The following RIMBP2 variants were observed in gnomAD, a reference collection of about 807,000 sequenced individuals.
RIMBP2 encodes the protein RIMS binding protein 2.
RIMBP2 carries 48 observed loss-of-function variants against 118.6 expected under a neutral mutation model. The ratio of observed to expected loss-of-function variants is 0.40; its 90% confidence interval spans 0.32 to 0.51. The LOEUF (loss-of-function observed/expected upper bound fraction) is 0.51, where lower values mean the gene tolerates loss of function less well. RIMBP2 is among the 20% of genes least tolerant of loss of function. The pLI is 0.41. For missense variants in RIMBP2, 1,551 were observed against 1,768.3 expected (o/e 0.88, Z 2.20); for synonymous variants, 762 against 742.9 (o/e 1.03, Z -0.42).
intron 2 of RIMBP2, among the ~76,000 whole-genome samples, chr12:130,533,327 G>C (rs138386707): frequency 1.9e-4 from 29 of 152,310 alleles, no homozygotes; most frequent in African/African-American, 6.7e-4. Context: ...TCACTAATCA[G>C]AGAAATGCAA....
At chr12:130,590,434 C>T (rs745602211) in intron 2 of RIMBP2, among the ~76,000 whole-genome samples, 12 of 152,164 alleles carry the variant, frequency 7.9e-5, no homozygotes, top group South Asian at 2.1e-4. Context: ...CCCTCAGCTC[C>T]GCCCATCAGA....
chr12:130,438,838 C>T (rs77300036), intron 11 of RIMBP2, among the ~76,000 whole-genome samples: 6,984 of 152,202 alleles, frequency 0.046, 572 homozygotes, highest in African/African-American at 0.16. Flanking sequence ...GGCAGAGCTA[C>T]CTCTGTCCAG....
intron 2 of RIMBP2, among the ~76,000 whole-genome samples, chr12:130,520,924 C>T (rs987908456): frequency 2.0e-5 from 3 of 152,194 alleles, no homozygotes; most frequent in Non-Finnish European, 4.4e-5. Flanking sequence ...CCACGTTGTC[C>T]ATGCTTACCC....
intron 8 of RIMBP2, 39 bp downstream of exon 8, chr12:130,451,156 C>A: frequency 6.2e-7 from 1 of 1,603,916 alleles, no homozygotes; most frequent in East Asian, 2.2e-5. Flanking sequence ...ACACACACAG[C>A]ACAGGCAGCC....
chr12:130,483,616 T>C (rs999075788), intron 4 of RIMBP2, among the ~76,000 whole-genome samples: 2 of 145,306 alleles, frequency 1.4e-5, no homozygotes, highest in Non-Finnish European at 1.5e-5. Flanking sequence ...GAAGGCGGGA[T>C]ACACAGTGCC....
intron 1 of RIMBP2, among the ~76,000 whole-genome samples, chr12:130,672,359 A>C (rs146863134): frequency 6.6e-6 from 1 of 152,336 alleles, no homozygotes; most frequent in African/African-American, 2.4e-5. Context: ...TTCCATCAGC[A>C]AGTTTGAGGG....
intron 1 of RIMBP2, among the ~76,000 whole-genome samples, chr12:130,691,232 T>G (rs978088529): frequency 6.6e-6 from 1 of 152,152 alleles, no homozygotes; most frequent in African/African-American, 2.4e-5. Context: ...TCCTAACACC[T>G]GCAACGCTGA....
rs115949851 is a variant in RIMBP2, at chr12:130,665,219, G to A, written c.-351-36763C>T. On this transcript the variant is annotated intron_variant, in intron 1 of 22. Coordinates refer to ENST00000690449, the MANE Select transcript of RIMBP2 (RefSeq NM_001393629.1). ...CACGTGTTTCCTGATGCCATGCTCC[G>A]AGATGGAGGCAAATTCCTGAAAAAA... 3.6e-3 allele frequency among the ~76,000 whole-genome samples: 549 copies of A among 151,666 alleles called. 23 individuals carry two copies. Among genetic ancestry groups the A allele is most frequent in the African/African-American group, 0.013 (516 of 41,004 alleles).
chr12:130,428,517 A>C, intron 14 of RIMBP2, 180 bp from the exon 15 acceptor site: 2 of 541,918 alleles, frequency 3.7e-6, no homozygotes, highest in Non-Finnish European at 6.3e-6. Context: ...GGACACACCC[A>C]CTCTCTCTGT....
chr12:130,399,222 A>G, intron 22 of RIMBP2: 1 of 958,544 alleles, frequency 1.0e-6, no homozygotes, highest in Non-Finnish European at 1.4e-6. Flanking sequence ...AATATAGAAA[A>G]ACTTGCAGTG....
At chr12:130,646,628 G>T (rs966370250) in intron 1 of RIMBP2, among the ~76,000 whole-genome samples, 4 of 152,196 alleles carry the variant, frequency 2.6e-5, no homozygotes, top group Non-Finnish European at 5.9e-5. Context: ...AATCTTAGAG[G>T]TATAGGGAGC....
At chr12:130,486,642 A>T (rs1161802480) in intron 4 of RIMBP2, among the ~76,000 whole-genome samples, 1 of 150,228 alleles carries the variant, frequency 6.7e-6, no homozygotes, top group African/African-American at 2.5e-5. Flanking sequence ...GCTCCTCCAG[A>T]TGCAAAGCTG....
intron 1 of RIMBP2, among the ~76,000 whole-genome samples, chr12:130,664,368 C>T (rs1235317697): frequency 1.3e-5 from 2 of 150,324 alleles, no homozygotes; most frequent in African/African-American, 2.5e-5. Context: ...CACATATGCA[C>T]GTGCATGCAC....
intron 6 of RIMBP2, among the ~76,000 whole-genome samples, chr12:130,464,253 C>A (rs566051833): frequency 6.6e-6 from 1 of 152,360 alleles, no homozygotes; most frequent in Admixed American, 6.5e-5. Flanking sequence ...TTCTTTCTTG[C>A]GCAAGATCCA....
At chr12:130,649,106 A>T (rs1566426054) in intron 1 of RIMBP2, among the ~76,000 whole-genome samples, 1 of 145,702 alleles carries the variant, frequency 6.9e-6, no homozygotes, top group Non-Finnish European at 1.6e-5. Flanking sequence ...GGCGGCCGAT[A>T]GGCTCAGTCG....
rs1013595044 is a variant in RIMBP2, at chr12:130,622,437, T to C, written c.-217+5885A>G. ...ATTCACTAGTTATTTTGTACATAAATTCACTATTCACTAATTGTACGTATA... is the reference window on the plus strand; with the variant it reads ...ATTCACTAGTTATTTTGTACATAAACTCACTATTCACTAATTGTACGTATA... On this transcript the variant is annotated intron_variant, in intron 2 of 22. Transcript: ENST00000690449. The surrounding 1 kb of genome is among the most constrained non-coding windows in gnomAD (Gnocchi z 8.5). Among the ~76,000 whole-genome samples, 3 of 152,162 alleles carry C rather than the reference T, an allele frequency of 2.0e-5. No homozygotes were observed. The highest frequency in any genetic ancestry group is 2.9e-5 in the Non-Finnish European group (2 of 68,040).
intron 1 of RIMBP2, among the ~76,000 whole-genome samples, chr12:130,635,999 G>A (rs2062325723): frequency 6.6e-6 from 1 of 152,110 alleles, no homozygotes; most frequent in African/African-American, 2.4e-5. Context: ...GCCTCCGAGT[G>A]AAGGTTACCA....
At position 130,688,613 on chromosome 12, in the gene RIMBP2, A is replaced by C. The variant is rs548407089; in HGVS notation, c.-352+27609T>G. ...AGGACTCTGAGCACAGCCGGCGGGC[A>C]TTCTCCCAGCCCTGCAGCAGGAGGG... On this transcript the variant is annotated intron_variant, in intron 1 of 22. Coordinates refer to ENST00000690449, the MANE Select transcript of RIMBP2 (RefSeq NM_001393629.1). The surrounding 1 kb of genome is among the most constrained non-coding windows in gnomAD (Gnocchi z 4.7). 1.3e-5 allele frequency among the ~76,000 whole-genome samples: 2 copies of C among 150,872 alleles called. No homozygotes were observed. Among genetic ancestry groups the C allele is most frequent in the Admixed American group, 1.3e-4 (2 of 15,204 alleles).
At chr12:130,484,538 C>T (rs1217516875) in intron 4 of RIMBP2, among the ~76,000 whole-genome samples, 1 of 152,244 alleles carries the variant, frequency 6.6e-6, no homozygotes, top group Non-Finnish European at 1.5e-5. Flanking sequence ...CTGCTCCTTC[C>T]CCTGGAACAT....
Sources: allele counts gnomAD v4.1 joint callset (sites outside exome capture counted in the v4.1 genomes callset), GRCh38; gene constraint gnomAD v4.1.1; non-coding constraint Gnocchi (gnomAD v3.1); transcripts MANE v1.5; gene names NCBI Gene and HGNC (gene_info 2026-07-23, HGNC 2026-07-21).